Variants in UPP2 observed in about 807,000 individuals in gnomAD.
UPP2 encodes UPase 2.
Under a neutral mutation model 26.7 loss-of-function variants are expected in UPP2, and 23 were observed. The ratio of observed to expected loss-of-function variants is 0.86; its 90% CI spans 0.62 to 1.22. The LOEUF (loss-of-function observed/expected upper bound fraction) is 1.22, where lower values mean the gene tolerates loss of function less well. UPP2 is among the 50% of genes most tolerant of loss of function. The probability of loss-of-function intolerance (pLI) is 0.00; values close to 1 mark genes in which losing one functional copy is unlikely to be tolerated. For missense variants in UPP2, 387 were observed against 396.7 expected (o/e 0.98, Z 0.21); for synonymous variants, 127 against 141.3 (o/e 0.90, Z 0.72).
chr2:158,073,992 C>T (rs2079657), intron 3 of UPP2, among the ~76,000 whole-genome samples: 111,871 of 152,070 alleles, frequency 0.74, 41,974 homozygotes, highest in African/African-American at 0.87. Flanking sequence ...TTGGGCAATG[C>T]AGTGAGACCT....
chr2:157,995,232 C>G (rs751350424), exon 2 of UPP2: 49 of 1,613,518 alleles, frequency 3.0e-5, no homozygotes, highest in Non-Finnish European at 4.1e-5. Flanking sequence ...GGACCCAGAC[C>G]AAGAAGTGGT....
At chr2:158,095,778 C>A (rs1682975578) in intron 3 of UPP2, among the ~76,000 whole-genome samples, 1 of 151,712 alleles carries the variant, frequency 6.6e-6, no homozygotes, top group Admixed American at 6.6e-5. Flanking sequence ...TACTGACATT[C>A]TTCCTGTTTT....
intron 3 of UPP2, among the ~76,000 whole-genome samples, chr2:158,081,999 G>A (rs1164863888): frequency 6.6e-6 from 1 of 151,224 alleles, no homozygotes. Context: ...CCAAGCTGGA[G>A]TGCAGTGGCT....
intron 3 of UPP2, among the ~76,000 whole-genome samples, chr2:158,039,815 G>C (rs1459454160): frequency 6.6e-6 from 1 of 152,214 alleles, no homozygotes; most frequent in South Asian, 2.1e-4. Flanking sequence ...CCAAAGTCTA[G>C]TCAAATTGGA....
intron 3 of UPP2, among the ~76,000 whole-genome samples, chr2:158,044,149 T>C (rs1684118711): frequency 6.6e-6 from 1 of 152,008 alleles, no homozygotes; most frequent in East Asian, 1.9e-4. Flanking sequence ...GGAGGAAGCT[T>C]GGAAAAATGG....
At chr2:158,091,428 T>C (rs955250821) in intron 3 of UPP2, among the ~76,000 whole-genome samples, 2 of 152,098 alleles carry the variant, frequency 1.3e-5, no homozygotes, top group African/African-American at 4.8e-5. Context: ...GAAACAGAAA[T>C]ATGTAGAAAA....
intron 3 of UPP2, chr2:158,065,421 C>T: frequency 4.0e-6 from 1 of 248,758 alleles, no homozygotes; most frequent in South Asian, 4.5e-5. Flanking sequence ...CAACTTCATA[C>T]TCAAAGCACT....
intron 3 of UPP2, among the ~76,000 whole-genome samples, chr2:158,064,431 T>C (rs1415763036): frequency 1.3e-5 from 2 of 151,612 alleles, no homozygotes; most frequent in African/African-American, 4.9e-5. Context: ...TTCACCCACT[T>C]TTTGATGGTT....
In UPP2 at chr2:158,135,059, C is replaced by A; in HGVS notation, c.*169C>A. The stretch of plus-strand genomic sequence containing the variant: ...AAAAGGAATTTATTGTAAAAGAATA[C>A]TCACACTAAATTAAATTCAAATTTC... On this transcript the variant is annotated 3_prime_UTR_variant, in exon 7 of 7. Transcript: ENST00000005756. 1.3e-6 allele frequency: 1 copy of A among 751,546 alleles called. No individual in the cohort carries two copies. Among genetic ancestry groups the A allele is most frequent in the Non-Finnish European group, 1.9e-6 (1 of 523,332 alleles). 46.6% of individuals were successfully genotyped at this position (751,546 alleles called of 1,614,324 possible). A position where few individuals can be genotyped will look rare whatever the true frequency, so the allele number is the denominator to read the frequency against.
intron 5 of UPP2, among the ~76,000 whole-genome samples, chr2:158,122,287 T>A (rs924636042): frequency 3.3e-5 from 5 of 152,216 alleles, no homozygotes; most frequent in African/African-American, 1.2e-4. Flanking sequence ...CTGGCAGTAG[T>A]TTTATTCTTT....
chr2:158,090,291 G>A (rs1160128771), intron 3 of UPP2, among the ~76,000 whole-genome samples: 2 of 152,010 alleles, frequency 1.3e-5, no homozygotes, highest in African/African-American at 2.4e-5. Context: ...TCACGAGGTC[G>A]GGGATCTAGA....
chr2:158,124,982 C>T (rs1683661921), intron 6 of UPP2, among the ~76,000 whole-genome samples: 1 of 152,100 alleles, frequency 6.6e-6, no homozygotes, highest in Non-Finnish European at 1.5e-5. Context: ...TAAAGCTATG[C>T]AATGGGTAAG....
At chr2:158,030,969 C>G (rs984829247) in intron 3 of UPP2, among the ~76,000 whole-genome samples, 1 of 152,084 alleles carries the variant, frequency 6.6e-6, no homozygotes, top group African/African-American at 2.4e-5. Flanking sequence ...AGCTTTGCAA[C>G]TTTAGGCCAG....
chr2:158,087,990 C>T (rs1403747596), intron 3 of UPP2, among the ~76,000 whole-genome samples: 1 of 152,174 alleles, frequency 6.6e-6, no homozygotes, highest in East Asian at 1.9e-4. Context: ...AATAAATTTC[C>T]CAAATGTTCT....
At chr2:158,002,791 T>C (rs551460270) in intron 2 of UPP2, among the ~76,000 whole-genome samples, 1 of 152,360 alleles carries the variant, frequency 6.6e-6, no homozygotes, top group South Asian at 2.1e-4. Context: ...CTGTTTGCAT[T>C]TCCTGACAGT....
chr2:158,117,978 C>T (rs1223411763), intron 4 of UPP2, 40 bp downstream of exon 4: 2 of 1,522,658 alleles, frequency 1.3e-6, no homozygotes, highest in Non-Finnish European at 1.8e-6. Context: ...CTGAGTGATC[C>T]TTACATACAT....
intron 3 of UPP2, among the ~76,000 whole-genome samples, chr2:158,075,698 A>AGG (rs1269590921): frequency 1.3e-5 from 2 of 152,092 alleles, no homozygotes; most frequent in Non-Finnish European, 2.9e-5. Context: ...CAGTATGAAG[A>AGG]GGAGAATTTA....
chr2:158,090,714 G>T (rs1326190881), intron 3 of UPP2, among the ~76,000 whole-genome samples: 1 of 152,188 alleles, frequency 6.6e-6, no homozygotes, highest in Non-Finnish European at 1.5e-5. Context: ...GACATAAAAG[G>T]AGTATTGTCT....
intron 3 of UPP2, among the ~76,000 whole-genome samples, chr2:158,096,144 G>T (rs2105206048): frequency 6.6e-6 from 1 of 152,256 alleles, no homozygotes; most frequent in Middle Eastern, 3.4e-3. Context: ...CTTAAGGTCA[G>T]CCATTAGAAA....
Sources: allele counts gnomAD v4.1 joint callset (sites outside exome capture counted in the v4.1 genomes callset), GRCh38; gene constraint gnomAD v4.1.1; transcripts MANE v1.5; gene names NCBI Gene and HGNC (gene_info 2026-07-23, HGNC 2026-07-21).